CUL9: variants seen among roughly 807,000 people sequenced by gnomAD.
CUL9 encodes the protein cullin 9, also known as cullin-9.
CUL9 carries 79 observed loss-of-function variants against 272.6 expected under a neutral mutation model. The ratio of observed to expected loss-of-function variants is 0.29; its 90% CI spans 0.24 to 0.35. The LOEUF is 0.35. CUL9 is among the 10% of genes least tolerant of loss of function. CUL9 has a pLI of 1.00. For missense variants in CUL9, 2,532 were observed against 3,255.6 expected (o/e 0.78, Z 5.41); for synonymous variants, 1,186 against 1,286.5 (o/e 0.92, Z 1.67).
At chr6:43,208,419 T>G (rs908337670) in intron 26 of CUL9, among the ~76,000 whole-genome samples, 3 of 152,212 alleles carry the variant, frequency 2.0e-5, no homozygotes, top group African/African-American at 4.8e-5. Context: ...TTGGCCAGGC[T>G]AGTCTCAAAC....
At chr6:43,197,770 C>T (rs1239830069) in intron 11 of CUL9, among the ~76,000 whole-genome samples, 2 of 152,250 alleles carry the variant, frequency 1.3e-5, no homozygotes, top group Non-Finnish European at 2.9e-5. Flanking sequence ...GCGTGAGCCA[C>T]TGTGCCTGGC....
chr6:43,191,564 T>G (rs74839491), intron 8 of CUL9, among the ~76,000 whole-genome samples: 17,765 of 145,834 alleles, frequency 0.12, 1,243 homozygotes, highest in African/African-American at 0.2. Flanking sequence ...ACTCTTGGCC[T>G]CAAGCAAGGC....
rs370373479 is a variant in CUL9 at position 43,213,928 on chromosome 6, AC to A, written c.5688+18del. On this transcript the variant is annotated intron_variant, in intron 29 of 40. Transcript: ENST00000252050. The surrounding 1 kb of genome is among the most constrained non-coding windows in gnomAD (Gnocchi z 5.7). ...GGTTTGTCTGGTAGGCAGAGAGGGGACCATGAAGTTGGCGGAGGGAGGGAGT... is the reference window on the plus strand; with the variant it reads ...GGTTTGTCTGGTAGGCAGAGAGGGGACATGAAGTTGGCGGAGGGAGGGAGT... 3.6e-4 allele frequency: 576 copies of A among 1,613,588 alleles called. 2 individuals are homozygous for A. In the African/African-American group the frequency reaches 5.4e-3, roughly 15 times the overall value.
rs776382865 is a variant in CUL9 at position 43,206,208 on chromosome 6, G to A, written c.4995G>A (p.Glu1665=). The part of the protein sequence containing the change: ...LDKLFLEQED[E]EEKRLEEEEE... ...AGTTGTTCTTGGAGCAGGAAGATGA[G>A]GAGGAAAAGAGACTAGAGGAAGAGG... Residue 1665 remains glutamate, a synonymous_variant, in exon 25 of 41, where the codon GAG becomes GAA. Coordinates refer to ENST00000252050, the MANE Select transcript of CUL9 (RefSeq NM_015089.4). This position sits in a 1 kb window ranked among gnomAD's most constrained non-coding sequence, Gnocchi z 4.8. 6.2e-7 allele frequency: 1 copy of A among 1,612,168 alleles called. No homozygotes were observed. The highest frequency in any genetic ancestry group is 1.1e-5 in the South Asian group (1 of 90,870).
Position 43,204,745 on chromosome 6 carries a change from C to T in CUL9, c.4340-3C>T, listed in dbSNP as rs1774915958. Reference sequence around the variant, plus strand: ...CCCCTTCCTTCTCCCTCTGTCTCTACAGTCAGCAAGAACAGCAAGGGTCGG... The same window carrying T: ...CCCCTTCCTTCTCCCTCTGTCTCTATAGTCAGCAAGAACAGCAAGGGTCGG... On this transcript the variant is annotated splice_region_variant and splice_polypyrimidine_tract_variant and intron_variant, in intron 21 of 40. Transcript: ENST00000252050. 2 of 1,613,790 alleles carry T rather than the reference C, an allele frequency of 1.2e-6. No individual in the cohort carries two copies. The highest frequency in any genetic ancestry group is 1.7e-6 in the Non-Finnish European group (2 of 1,179,864).
chr6:43,222,799 G>A lies in CUL9; in HGVS notation c.7053G>A (p.Val2351=). 6.2e-7 allele frequency: 1 copy of A among 1,614,090 alleles called. No homozygotes were observed. Among genetic ancestry groups the A allele is most frequent in the Non-Finnish European group, 8.5e-7 (1 of 1,179,988 alleles). ...QARKVLAYAC[V]YSFYSQDAEY... The stretch of plus-strand genomic sequence containing the variant: ...TGCAGGTGCTGGCCTACGCCTGCGT[G>A]TACAGCTTCTACAGCCAGGACGCAG... Residue 2351 remains valine, a synonymous_variant, in exon 38 of 41, where the codon GTG becomes GTA. Transcript: ENST00000252050.
chr6:43,184,860 C>T lies in CUL9; in HGVS notation c.550C>T (p.Arg184Trp), dbSNP rs772080051. ...MLCNPEPQIR[R>W]SAGKMLQALA... The stretch of plus-strand genomic sequence containing the variant: ...ATGCAATCCTGAGCCTCAGATCCGC[C>T]GGAGTGCAGGCAAAATGCTGCAGGC... Residue 184 changes from arginine (R) to tryptophan (W), a missense_variant, in exon 2 of 41, where the codon CGG becomes TGG. Arg to Trp is a moderately radical substitution (Grantham distance 101). Coordinates refer to ENST00000252050, the MANE Select transcript of CUL9 (RefSeq NM_015089.4). This position sits in a 1 kb window ranked among gnomAD's most constrained non-coding sequence, Gnocchi z 4.8. 5.6e-6 allele frequency: 9 copies of T among 1,604,338 alleles called. No individual in the cohort carries two copies. The highest frequency in any genetic ancestry group is 6.8e-6 in the Non-Finnish European group (8 of 1,178,306).
In CUL9 at chr6:43,189,419, C is replaced by T. The variant is rs995463799; in HGVS notation, c.2180+704C>T. On this transcript the variant is annotated intron_variant, in intron 8 of 40. Transcript: ENST00000252050. ...CAGGATGGTCTCGATCTTCTGACCT[C>T]GTGATCTGCCTGCCTCGGCCTCCCA... Among the ~76,000 whole-genome samples, 5 of 152,140 alleles carry T rather than the reference C, an allele frequency of 3.3e-5. No homozygotes were observed. The East Asian group carries it at 7.7e-4, about 23-fold the overall frequency.
At position 43,187,930 on chromosome 6, in the gene CUL9, C is replaced by T. The variant is rs201588709; in HGVS notation, c.1799C>T (p.Ser600Leu). The change falls in exon 7 of 41, where the codon TCG (serine) becomes TTG (leucine). Residue 600 changes from serine (S) to leucine (L), a missense_variant. By Grantham distance (145) the Ser-to-Leu change is moderately radical. Coordinates refer to ENST00000252050, the MANE Select transcript of CUL9 (RefSeq NM_015089.4). Reference sequence around the variant, plus strand: ...CCAGATCCAGAAGAGGAGTCCAAGTCGGAGGCCAGCTTCTCAGAGGAAGAG... The same window carrying T: ...CCAGATCCAGAAGAGGAGTCCAAGTTGGAGGCCAGCTTCTCAGAGGAAGAG... ...CTPDPEEESK[S>L]EASFSEEETE... 406 of 1,613,952 alleles carry T rather than the reference C, an allele frequency of 2.5e-4. No individual in the cohort carries two copies. Among genetic ancestry groups the T allele is most frequent in the Non-Finnish European group, 3.3e-4 (394 of 1,180,012 alleles).
intron 4 of CUL9, 28 bp downstream of exon 4, chr6:43,186,483 G>A: frequency 6.4e-7 from 1 of 1,557,724 alleles, no homozygotes; most frequent in Non-Finnish European, 8.7e-7. Context: ...GTGAGACACT[G>A]TTGGGAGTTT....
chr6:43,197,047 T>A (rs984124749), intron 11 of CUL9, among the ~76,000 whole-genome samples, 185 bp downstream of exon 11: 4 of 151,008 alleles, frequency 2.6e-5, no homozygotes, highest in African/African-American at 9.7e-5. Flanking sequence ...GCAAGGAAAT[T>A]GCATTTTTTT....
intron 9 of CUL9, 94 bp from the exon 10 acceptor site, chr6:43,195,968 AACAGCTC>A: frequency 1.1e-6 from 1 of 931,970 alleles, no homozygotes; most frequent in Admixed American, 2.2e-5. Flanking sequence ...CCTATCTGCA[AACAGCTC>A]AGCTGCCCCA....
intron 8 of CUL9, among the ~76,000 whole-genome samples, chr6:43,191,310 TG>T (rs1773465385): frequency 3.6e-5 from 5 of 137,740 alleles, no homozygotes; most frequent in African/African-American, 1.6e-4. Flanking sequence ...TTTTTTTTTT[TG>T]TTTGTTTTTT....
rs1164519399 is a variant in CUL9 at position 43,220,842 on chromosome 6, G to A, written c.6519G>A (p.Gln2173=). Residue 2173 remains glutamine (Q), a synonymous_variant, in exon 33 of 41, where the codon CAG becomes CAA. Transcript: ENST00000252050. This position sits in a 1 kb window ranked among gnomAD's most constrained non-coding sequence, Gnocchi z 4.9. ...GCTGCGACCGCATCCTGTGCCGCCAGGGCCTGGGCTGTGGGACCACCTGCT... is the reference window on the plus strand; with the variant it reads ...GCTGCGACCGCATCCTGTGCCGCCAAGGCCTGGGCTGTGGGACCACCTGCT... ...PQGCDRILCR[Q]GLGCGTTCSK... 6.2e-7 allele frequency: 1 copy of A among 1,613,738 alleles called. No individual in the cohort carries two copies. Among genetic ancestry groups the A allele is most frequent in the East Asian group, 2.2e-5 (1 of 44,880 alleles).
Position 43,204,870 on chromosome 6 carries a change from A to T in CUL9, c.4449+13A>T. 6.2e-7 allele frequency: 1 copy of T among 1,613,966 alleles called. No individual in the cohort carries two copies. ...GGTGCAGGAGCAGGTGGGCAGAAGC[A>T]AGCAGAAGTCTGCAGAGGGGAGGGG... is the stretch of plus-strand genomic sequence containing the variant. On this transcript the variant is annotated intron_variant, in intron 22 of 40. Transcript: ENST00000252050.
chr6:43,196,843 G>T lies in CUL9; in HGVS notation c.2784G>T (p.Pro928=). The T allele has an allele frequency of 1.9e-6, 3 of 1,614,014 alleles. No homozygotes were observed. The highest frequency in any genetic ancestry group is 2.5e-6 in the Non-Finnish European group (3 of 1,180,028). ...MMLLNRYSEP[P]GSPERAALET... is the part of the protein sequence containing the mutation. Reference sequence around the variant, plus strand: ...TTCTCAATCGCTACTCAGAGCCGCCGGGCAGCCCTGAGCGTGCAGGTACCA... The same window carrying T: ...TTCTCAATCGCTACTCAGAGCCGCCTGGCAGCCCTGAGCGTGCAGGTACCA... The change falls in exon 11 of 41, where the codon CCG becomes CCT. Residue 928 remains proline, a synonymous_variant. Coordinates refer to ENST00000252050, the MANE Select transcript of CUL9 (RefSeq NM_015089.4).
chr6:43,197,929 T>C (rs899909057), intron 11 of CUL9, among the ~76,000 whole-genome samples: 12 of 152,096 alleles, frequency 7.9e-5, no homozygotes, highest in African/African-American at 2.9e-4. Context: ...AACCTAGAAG[T>C]GTGGAGGGAT....
chr6:43,182,443 G>A (rs1339403812), intron 1 of CUL9, among the ~76,000 whole-genome samples, 194 bp downstream of exon 1: 1 of 145,618 alleles, frequency 6.9e-6, no homozygotes, highest in Non-Finnish European at 1.5e-5. Context: ...CCTCTGCGGT[G>A]CTGGCCTCCT....
Position 43,186,950 on chromosome 6 carries a change from C to T in CUL9, c.1252-10C>T. On this transcript the variant is annotated splice_polypyrimidine_tract_variant and intron_variant, in intron 4 of 40. Coordinates refer to ENST00000252050, the MANE Select transcript of CUL9 (RefSeq NM_015089.4). ...TCTATTCTGCTCTCTTTCTTCCTCC[C>T]TCATACCAGGTTTTCTGGCAGTCGA... 2 of 1,613,510 alleles carry T rather than the reference C, an allele frequency of 1.2e-6. No homozygotes were observed. The highest frequency in any genetic ancestry group is 1.7e-6 in the Non-Finnish European group (2 of 1,179,656).
Sources: gnomAD v4.1 joint callset for allele counts (sites outside exome capture counted in the v4.1 genomes callset) on GRCh38, gnomAD v4.1.1 for gene constraint, Gnocchi (gnomAD v3.1) non-coding constraint, MANE v1.5 for transcripts, NCBI Gene and HGNC (gene_info 2026-07-23, HGNC 2026-07-21) for gene names.